Variants in MROH1 observed in about 807,000 individuals in gnomAD.
MROH1 encodes maestro heat-like repeat-containing protein family member 1.
MROH1 carries 117 observed loss-of-function variants against 116.5 expected under a neutral mutation model. The ratio of observed to expected loss-of-function variants is 1.00; its 90% CI spans 0.86 to 1.17. The LOEUF (loss-of-function observed/expected upper bound fraction) is 1.17. Among genes scored for constraint, MROH1 ranks in the 50% most tolerant of loss-of-function variants. The pLI is 0.00. For synonymous variants in MROH1, 921 were observed against 583.9 expected, an observed-to-expected ratio of 1.58 and a Z score of -8.32; for missense variants, 1,873 against 1,338.5, an observed-to-expected ratio of 1.40 and a Z score of -6.23.
At chr8:144,231,835 G>A (rs782525928) in intron 14 of MROH1, among the ~76,000 whole-genome samples, 1 of 152,202 alleles carries the variant, frequency 6.6e-6, no homozygotes, top group Non-Finnish European at 1.5e-5. Context: ...CCCCTGTGAC[G>A]TACAGTAAAG....
chr8:144,241,895 C>T (rs1413362105), intron 22 of MROH1, among the ~76,000 whole-genome samples: 2 of 152,220 alleles, frequency 1.3e-5, no homozygotes, highest in African/African-American at 4.8e-5. Flanking sequence ...GCTGCAGGCC[C>T]CCAACCCGGC....
At chr8:144,183,623 G>A (rs1826217554) in intron 7 of MROH1, among the ~76,000 whole-genome samples, 1 of 151,708 alleles carries the variant, frequency 6.6e-6, no homozygotes, top group South Asian at 2.1e-4. Flanking sequence ...TCACATGGGA[G>A]ACAAGGCCTT....
chr8:144,238,095 T>C (rs1157558284), intron 14 of MROH1, among the ~76,000 whole-genome samples: 2 of 135,584 alleles, frequency 1.5e-5, no homozygotes, highest in African/African-American at 7.7e-5. Flanking sequence ...AAAGTGTATG[T>C]TTGGTATGAA....
intron 3 of MROH1, among the ~76,000 whole-genome samples, chr8:144,164,123 G>A (rs1296773558): frequency 2.7e-5 from 4 of 149,798 alleles, no homozygotes; most frequent in Non-Finnish European, 4.4e-5. Flanking sequence ...AGACAGGGTC[G>A]GCTGGGCACA....
At position 144,164,111 on chromosome 8, in the gene MROH1, T is replaced by TTTTTA. The variant is rs1333567404; in HGVS notation, c.22+263_22+264insTTTTA. On this transcript the variant is annotated intron_variant, in intron 3 of 43. Coordinates refer to ENST00000326134, the MANE Select transcript of MROH1 (RefSeq NM_032450.3). ...TGTTTTACTTTTTTTTTTTTTTTTT[T>TTTTTA]AAGACAGGGTCGGCTGGGCACAGTG... 1.1e-3 allele frequency among the ~76,000 whole-genome samples: 164 copies of TTTTTA among 149,940 alleles called. 1 individual carries two copies. Among genetic ancestry groups the TTTTTA allele is most frequent in the Non-Finnish European group, 2.2e-3 (148 of 67,428 alleles).
intron 35 of MROH1, among the ~76,000 whole-genome samples, chr8:144,255,932 C>T (rs1299199375): frequency 3.3e-5 from 5 of 152,232 alleles, no homozygotes; most frequent in Admixed American, 1.3e-4. Context: ...CTCGCCTCTG[C>T]GGGCGGTCTG....
chr8:144,162,354 T>A (rs1564366461), intron 2 of MROH1, among the ~76,000 whole-genome samples: 5 of 151,944 alleles, frequency 3.3e-5, no homozygotes, highest in African/African-American at 1.2e-4. Flanking sequence ...CCCAAAGTGC[T>A]GGGATTACAG....
intron 32 of MROH1, among the ~76,000 whole-genome samples, chr8:144,249,647 C>T (rs1250329819): frequency 6.6e-6 from 1 of 152,120 alleles, no homozygotes; most frequent in African/African-American, 2.4e-5. Context: ...GCCCACGTTT[C>T]CCCCGCGTTC....
At chr8:144,165,630 G>T (rs1820621458) in intron 3 of MROH1, among the ~76,000 whole-genome samples, 1 of 151,640 alleles carries the variant, frequency 6.6e-6, no homozygotes. Context: ...GCTGGAGTGT[G>T]GTGGTGCTCT....
At chr8:144,175,926 G>A (rs568508736) in intron 4 of MROH1, among the ~76,000 whole-genome samples, 37 of 152,318 alleles carry the variant, frequency 2.4e-4, no homozygotes, top group African/African-American at 8.9e-4. Flanking sequence ...GCACGCGCCT[G>A]TAGTTCCAGC....
chr8:144,256,596 T>G (rs1267342575), intron 35 of MROH1, among the ~76,000 whole-genome samples: 1 of 152,108 alleles, frequency 6.6e-6, no homozygotes, highest in Admixed American at 6.5e-5. Flanking sequence ...CCCCTGGGCC[T>G]GGCCTGCTGC....
intron 1 of MROH1, among the ~76,000 whole-genome samples, chr8:144,149,516 A>G (rs1285120769): frequency 1.3e-5 from 2 of 152,054 alleles, no homozygotes; most frequent in African/African-American, 2.4e-5. Flanking sequence ...CTGTGTCAGG[A>G]AACAGGTGCT....
chr8:144,213,546 T>C (rs1834631917), intron 12 of MROH1: 1 of 154,266 alleles, frequency 6.5e-6, no homozygotes, highest in East Asian at 1.9e-4. Context: ...CCCAGTACTT[T>C]GGGAGGCCAA....
At position 144,259,956 on chromosome 8, in the gene MROH1, C is replaced by T; in HGVS notation, c.4090C>T (p.Leu1364=). The T allele has an allele frequency of 1.3e-6, 1 of 742,998 alleles. No homozygotes were observed. The highest frequency in any genetic ancestry group is 2.5e-6 in the Non-Finnish European group (1 of 400,064). The allele number at this position is 742,998 out of a possible 1,614,324, so 46.0% of individuals were successfully genotyped here. The change falls in exon 38 of 44, where the codon CTG becomes TTG. Residue 1364 remains leucine, a synonymous_variant. Coordinates refer to ENST00000326134, the MANE Select transcript of MROH1 (RefSeq NM_032450.3). ...CAACGACCTCATGCTCTTGGACTCG[C>T]TGCTGGAGAGCCTGGCGGCTCGCCA... The part of the protein sequence containing the change: ...VANDLMLLDS[L]LESLAARQKD...
In MROH1 at chr8:144,180,234, A is replaced by G. The variant is rs758414336; in HGVS notation, c.357A>G (p.Arg119=). ...AASGVLVAVG[R]QFISKVMEEL... is the part of the protein sequence containing the mutation. Reference sequence around the variant, plus strand: ...GTGGCGTCCTGGTGGCCGTGGGAAGACAGTTCATCAGCAAGGTGATGGAGG... The same window carrying G: ...GTGGCGTCCTGGTGGCCGTGGGAAGGCAGTTCATCAGCAAGGTGATGGAGG... Residue 119 remains arginine, a synonymous_variant, in exon 6 of 44, where the codon AGA becomes AGG. Coordinates refer to ENST00000326134, the MANE Select transcript of MROH1 (RefSeq NM_032450.3). This position sits in a 1 kb window ranked among gnomAD's most constrained non-coding sequence, Gnocchi z 7.4. 4 of 1,613,250 alleles carry G rather than the reference A, an allele frequency of 2.5e-6. No homozygotes were observed. Among genetic ancestry groups the G allele is most frequent in the African/African-American group, 1.3e-5 (1 of 74,908 alleles).
rs1823475255 is a variant in MROH1 at position 144,175,077 on chromosome 8, A to C, written c.169-4378A>C. 6 of 985,488 alleles carry C rather than the reference A, an allele frequency of 6.1e-6. No individual in the cohort carries two copies. The South Asian group carries it at 2.8e-4, about 46-fold the overall frequency. The allele number at this position is 985,488 out of a possible 1,614,324, so 61.0% of individuals were successfully genotyped here. On this transcript the variant is annotated intron_variant, in intron 4 of 43. Transcript: ENST00000326134. ...GTAGCTAAAGATGGAAGCATAATGCAACTTGAGATGTGTTTCCAAGATCAA... is the reference window on the plus strand; with the variant it reads ...GTAGCTAAAGATGGAAGCATAATGCCACTTGAGATGTGTTTCCAAGATCAA...
intron 13 of MROH1, among the ~76,000 whole-genome samples, chr8:144,221,600 C>T (rs1315243003): frequency 2.6e-5 from 4 of 152,046 alleles, no homozygotes; most frequent in Non-Finnish European, 4.4e-5. Flanking sequence ...GGTACTGAAA[C>T]GGACCCCATG....
rs1003778293 is a variant in MROH1, at chr8:144,244,488, G to A, written c.2715G>A (p.Thr905=). Residue 905 remains threonine, a synonymous_variant, in exon 28 of 44, where the codon ACG becomes ACA. Coordinates refer to ENST00000326134, the MANE Select transcript of MROH1 (RefSeq NM_032450.3). ...ETLHALEDLL[T]SLLQRNMTPQ... is the part of the protein sequence containing the mutation. ...TGCACGCCCTTGAGGATCTGCTGACGAGCCTCCTGCAGCGGAACATGACCC... is the reference window on the plus strand; with the variant it reads ...TGCACGCCCTTGAGGATCTGCTGACAAGCCTCCTGCAGCGGAACATGACCC... The A allele has an allele frequency of 1.8e-5, 14 of 774,240 alleles. No homozygotes were observed. The highest frequency in any genetic ancestry group is 2.6e-5 in the Non-Finnish European group (11 of 415,108). 48.0% of individuals were successfully genotyped at this position (774,240 alleles called of 1,614,324 possible). A position where few individuals can be genotyped will look rare whatever the true frequency, so the allele number is the denominator to read the frequency against.
rs150908403 is a variant in MROH1 at position 144,189,843 on chromosome 8, A to G, written c.563-941A>G. Among the ~76,000 whole-genome samples the G allele has an allele frequency of 5.4e-4, 82 of 152,320 alleles. No homozygotes were observed. The East Asian group carries it at 0.014, about 26-fold the overall frequency. ...ACTGCTCCTCTTGTCTCTGTGGCAG[A>G]CTGGAGTGGGCAGGAACTTGTGGGC... On this transcript the variant is annotated intron_variant, in intron 7 of 43. Transcript: ENST00000326134.
Sources: gnomAD v4.1 joint callset for allele counts (sites outside exome capture counted in the v4.1 genomes callset) on GRCh38, gnomAD v4.1.1 for gene constraint, Gnocchi (gnomAD v3.1) non-coding constraint, MANE v1.5 for transcripts, NCBI Gene and HGNC (gene_info 2026-07-23, HGNC 2026-07-21) for gene names.